KDM4C: variants seen among roughly 807,000 people sequenced by gnomAD.
KDM4C encodes the protein lysine demethylase 4C, also known as lysine-specific demethylase 4C.
In KDM4C, 81 loss-of-function variants were observed where a neutral mutation model predicts 129.3. That is an observed-to-expected ratio of 0.63 (90% CI 0.52 to 0.75). The LOEUF is 0.75. Among genes scored for constraint, KDM4C ranks in the 30% least tolerant of loss-of-function variants. The probability of loss-of-function intolerance (pLI) is 0.00; values close to 1 mark genes in which losing one functional copy is unlikely to be tolerated. For missense variants in KDM4C, 1,457 were observed against 1,304.0 expected (o/e 1.12, Z -1.81); for synonymous variants, 573 against 456.1 (o/e 1.26, Z -3.26).
intron 15 of KDM4C, among the ~76,000 whole-genome samples, chr9:7,018,182 A>G (rs1054450178): frequency 2.0e-5 from 3 of 152,254 alleles, no homozygotes; most frequent in African/African-American, 4.8e-5. Context: ...CCTAGGCTGT[A>G]CGATGTAGCC....
At chr9:7,105,436 G>C (rs974806635) in intron 18 of KDM4C, 1 of 470,892 alleles carries the variant, frequency 2.1e-6, no homozygotes, top group Non-Finnish European at 4.4e-6. Flanking sequence ...AAAAATGAAA[G>C]TTGTATTGCT....
At chr9:6,746,334 T>C (rs574594224) in intron 1 of KDM4C, among the ~76,000 whole-genome samples, 11 of 137,208 alleles carry the variant, frequency 8.0e-5, no homozygotes, top group African/African-American at 2.7e-4. Context: ...AGTGGAGCAA[T>C]CTCGGCTCAC....
At chr9:6,993,562 T>C (rs1417916744) in intron 12 of KDM4C, among the ~76,000 whole-genome samples, 1 of 152,228 alleles carries the variant, frequency 6.6e-6, no homozygotes, top group Non-Finnish European at 1.5e-5. Context: ...GTTGATATTA[T>C]TGGCATATTC....
At chr9:6,994,719 A>G (rs764687459) in intron 12 of KDM4C, among the ~76,000 whole-genome samples, 77 of 152,238 alleles carry the variant, frequency 5.1e-4, no homozygotes, top group Non-Finnish European at 9.8e-4. Context: ...TAAAAGAAAA[A>G]TGTAAATCCT....
At chr9:7,093,898 G>T (rs1466683720) in intron 17 of KDM4C, among the ~76,000 whole-genome samples, 1 of 152,202 alleles carries the variant, frequency 6.6e-6, no homozygotes, top group Non-Finnish European at 1.5e-5. Flanking sequence ...GAAGGAAGAG[G>T]CACGACTGTC....
chr9:6,882,082 AG>A (rs1844536980), intron 6 of KDM4C, among the ~76,000 whole-genome samples: 1 of 152,242 alleles, frequency 6.6e-6, no homozygotes, highest in Non-Finnish European at 1.5e-5. Context: ...TTTATCCAAA[AG>A]ACATTAGGCC....
intron 1 of KDM4C, among the ~76,000 whole-genome samples, chr9:6,752,269 C>G (rs1255158187): frequency 8.4e-6 from 1 of 119,122 alleles, no homozygotes; most frequent in African/African-American, 3.2e-5. Context: ...GGAGGCGGAG[C>G]TTGCAGTGAG....
intron 4 of KDM4C, among the ~76,000 whole-genome samples, chr9:6,840,066 C>A (rs962700457): frequency 6.6e-6 from 1 of 151,564 alleles, no homozygotes. Context: ...ACTAACTGTT[C>A]TGTTATAATT....
intron 9 of KDM4C, chr9:6,981,804 AT>A: frequency 4.0e-6 from 1 of 249,208 alleles, no homozygotes; most frequent in Middle Eastern, 4.9e-4. Context: ...TTTATGTTAA[AT>A]TTTCCTCTTC....
intron 18 of KDM4C, among the ~76,000 whole-genome samples, chr9:7,107,092 A>G (rs1460569763): frequency 1.3e-5 from 2 of 152,100 alleles, no homozygotes; most frequent in Non-Finnish European, 2.9e-5. Flanking sequence ...GCTGTGTTTC[A>G]GATGTAAGGT....
At chr9:6,799,988 C>G (rs1055402532) in intron 2 of KDM4C, among the ~76,000 whole-genome samples, 3 of 150,424 alleles carry the variant, frequency 2.0e-5, no homozygotes, top group African/African-American at 7.3e-5. Flanking sequence ...TTTGGGAGGC[C>G]AAGGTGGGAG....
intron 17 of KDM4C, among the ~76,000 whole-genome samples, chr9:7,058,734 G>A (rs879361084): frequency 1.3e-5 from 2 of 152,138 alleles, no homozygotes; most frequent in Admixed American, 6.5e-5. Flanking sequence ...TTTACATTCC[G>A]TGTGATACGA....
At chr9:6,889,808 G>C (rs1588951987) in intron 7 of KDM4C, among the ~76,000 whole-genome samples, 1 of 152,226 alleles carries the variant, frequency 6.6e-6, no homozygotes. Flanking sequence ...GAGAAGTTAT[G>C]TGAGGCAGCA....
At chr9:6,780,749 C>G (rs1434003181) in intron 1 of KDM4C, among the ~76,000 whole-genome samples, 1 of 75,344 alleles carries the variant, frequency 1.3e-5, no homozygotes, top group Non-Finnish European at 2.3e-5. Flanking sequence ...GCCTGGGCAA[C>G]AAGAGTGAAA....
At chr9:6,778,776 C>T (rs1478620782) in intron 1 of KDM4C, among the ~76,000 whole-genome samples, 1 of 149,194 alleles carries the variant, frequency 6.7e-6, no homozygotes, top group African/African-American at 2.5e-5. Context: ...CACAGTGTTA[C>T]ATTTGTGAGA....
intron 8 of KDM4C, among the ~76,000 whole-genome samples, chr9:6,918,309 A>G (rs1820705269): frequency 6.6e-6 from 1 of 152,204 alleles, no homozygotes; most frequent in East Asian, 1.9e-4. Flanking sequence ...TTCTTAGGAT[A>G]ACGGCCTCCA....
intron 1 of KDM4C, among the ~76,000 whole-genome samples, chr9:6,786,138 C>A (rs1825438340): frequency 9.4e-6 from 1 of 105,976 alleles, no homozygotes; most frequent in South Asian, 2.9e-4. Flanking sequence ...TAAGAGAATA[C>A]AAGTCAGAAA....
At chr9:7,165,142 A>C in intron 19 of KDM4C, 96 bp from the exon 20 acceptor site, 1 of 1,438,014 alleles carries the variant, frequency 7.0e-7, no homozygotes, top group Non-Finnish European at 9.5e-7. Flanking sequence ...AGAGGCAATA[A>C]CTCCTTTTAA....
chr9:6,895,014 T>G (rs1034731063), intron 8 of KDM4C, among the ~76,000 whole-genome samples: 1 of 152,222 alleles, frequency 6.6e-6, no homozygotes, highest in Non-Finnish European at 1.5e-5. Flanking sequence ...GTACAAAATA[T>G]TCAGTGCTAC....
Sources: allele counts gnomAD v4.1 joint callset (sites outside exome capture counted in the v4.1 genomes callset), GRCh38; gene constraint gnomAD v4.1.1; transcripts MANE v1.5; gene names NCBI Gene and HGNC (gene_info 2026-07-23, HGNC 2026-07-21).